CLIC5: variants seen among roughly 807,000 people sequenced by gnomAD.
CLIC5 encodes the protein chloride intracellular channel protein 5.
In CLIC5, 20 loss-of-function variants were observed where a neutral mutation model predicts 24.7. The ratio of observed to expected loss-of-function variants is 0.81; its 90% CI spans 0.57 to 1.18. CLIC5 has a LOEUF of 1.18. Ranked by LOEUF, CLIC5 falls within the 50% of genes most tolerant of loss-of-function variation. The probability of loss-of-function intolerance (pLI) is 0.00; values close to 1 mark genes in which losing one functional copy is unlikely to be tolerated. For missense variants in CLIC5, 341 were observed against 326.1 expected (o/e 1.05, Z -0.35); for synonymous variants, 159 against 135.6 (o/e 1.17, Z -1.20).
chr6:46,085,358 TAG>T, the CLIC5 span, among the ~76,000 whole-genome samples: 1 of 152,244 alleles, frequency 6.6e-6, no homozygotes, highest in Non-Finnish European at 1.5e-5. Context: ...CTCTGCTTTT[TAG>T]AGTTTCCAGT....
intron 4 of CLIC5, among the ~76,000 whole-genome samples, chr6:45,920,971 T>C (rs527317123): frequency 1.1e-4 from 17 of 152,360 alleles, no homozygotes; most frequent in African/African-American, 3.8e-4. Flanking sequence ...AAGATCTGCA[T>C]TCATCTTTCA....
chr6:46,074,787 C>T (rs1226993938), intron 1 of CLIC5, among the ~76,000 whole-genome samples: 2 of 152,128 alleles, frequency 1.3e-5, no homozygotes, highest in Admixed American at 6.5e-5. Context: ...ACACACTGAC[C>T]AGGAGTTGGA....
intron 4 of CLIC5, among the ~76,000 whole-genome samples, chr6:45,930,812 C>G (rs1763707905): frequency 6.6e-6 from 1 of 152,180 alleles, no homozygotes. Flanking sequence ...ATTAATTCAT[C>G]TAATTAACAT....
chr6:45,939,016 G>A (rs567818921), intron 4 of CLIC5, among the ~76,000 whole-genome samples: 3 of 152,202 alleles, frequency 2.0e-5, no homozygotes, highest in Admixed American at 6.5e-5. Flanking sequence ...TTACAACAAA[G>A]TACCACAAGC....
chr6:46,029,984 G>A (rs1297750442), intron 1 of CLIC5, among the ~76,000 whole-genome samples: 2 of 152,224 alleles, frequency 1.3e-5, no homozygotes, highest in Admixed American at 1.3e-4. Flanking sequence ...AGTTATGCCT[G>A]GCTATAAGTG....
intron 5 of CLIC5, among the ~76,000 whole-genome samples, chr6:45,905,131 G>C (rs552477963): frequency 6.6e-6 from 1 of 152,260 alleles, no homozygotes; most frequent in African/African-American, 2.4e-5. Context: ...CACTGTTGAT[G>C]GGCACCCAGG....
chr6:45,980,056 C>T (rs979533405), intron 1 of CLIC5, among the ~76,000 whole-genome samples: 4 of 141,216 alleles, frequency 2.8e-5, no homozygotes, highest in Non-Finnish European at 4.5e-5. Context: ...GTCTTTAATC[C>T]ATCTTGAGTT....
the CLIC5 span, among the ~76,000 whole-genome samples, chr6:46,128,176 C>G: frequency 1.3e-5 from 2 of 152,182 alleles, no homozygotes; most frequent in African/African-American, 4.8e-5. Context: ...TTTTGTCCCT[C>G]TGTTCCTGAC....
chr6:46,008,041 T>C (rs912098982), intron 1 of CLIC5, among the ~76,000 whole-genome samples: 2 of 152,062 alleles, frequency 1.3e-5, no homozygotes, highest in Non-Finnish European at 2.9e-5. Flanking sequence ...TTTGAGTTCA[T>C]TGATTTTCCC....
chr6:46,079,191 T>A (rs1160504573), intron 1 of CLIC5, among the ~76,000 whole-genome samples: 1 of 152,230 alleles, frequency 6.6e-6, no homozygotes, highest in Non-Finnish European at 1.5e-5. Context: ...TTACTACTAC[T>A]GAAATCATTT....
At chr6:45,942,810 C>T (rs1764177505) in intron 3 of CLIC5, among the ~76,000 whole-genome samples, 1 of 152,190 alleles carries the variant, frequency 6.6e-6, no homozygotes, top group Non-Finnish European at 1.5e-5. Flanking sequence ...AGAGATACTG[C>T]CATTGGAAGA....
At chr6:45,949,458 A>T in intron 2 of CLIC5, 77 bp from the exon 3 acceptor site, 1 of 1,486,684 alleles carries the variant, frequency 6.7e-7, no homozygotes, top group South Asian at 1.2e-5. Context: ...ATTGATTGTA[A>T]CTTAGATGCC....
intron 1 of CLIC5, among the ~76,000 whole-genome samples, chr6:46,060,701 C>A (rs536413160): frequency 5.3e-5 from 8 of 151,996 alleles, no homozygotes; most frequent in African/African-American, 1.9e-4. Flanking sequence ...CTTCCCTGAT[C>A]CTACCTGCCA....
chr6:46,076,636 A>G (rs557859153), intron 1 of CLIC5, among the ~76,000 whole-genome samples: 1 of 152,326 alleles, frequency 6.6e-6, no homozygotes, highest in East Asian at 1.9e-4. Flanking sequence ...GTTTAGCCCC[A>G]TAAGACTCAT....
intron 1 of CLIC5, among the ~76,000 whole-genome samples, chr6:46,026,502 T>C (rs1274599885): frequency 1.3e-5 from 2 of 152,330 alleles, no homozygotes; most frequent in East Asian, 3.9e-4. Flanking sequence ...TTTACTCAAC[T>C]GTGCAATCTT....
intron 1 of CLIC5, among the ~76,000 whole-genome samples, chr6:46,007,477 T>C (rs1766628367): frequency 6.6e-6 from 1 of 152,206 alleles, no homozygotes; most frequent in African/African-American, 2.4e-5. Flanking sequence ...TATTCACTTC[T>C]GTATTCCACA....
chr6:45,904,800 C>T (rs114863660), intron 5 of CLIC5, among the ~76,000 whole-genome samples: 3,225 of 149,754 alleles, frequency 0.022, 113 homozygotes, highest in African/African-American at 0.073. Context: ...CTGGGTATAA[C>T]GCATGATGCT....
chr6:46,061,429 G>A (rs1001892680), intron 1 of CLIC5, among the ~76,000 whole-genome samples: 3 of 152,202 alleles, frequency 2.0e-5, no homozygotes, highest in African/African-American at 7.2e-5. Flanking sequence ...CTGACCTTGT[G>A]AGCTGCCCGC....
intron 1 of CLIC5, among the ~76,000 whole-genome samples, chr6:46,059,910 T>A (rs1762198772): frequency 6.6e-6 from 1 of 152,220 alleles, no homozygotes; most frequent in South Asian, 2.1e-4. Context: ...CTAGAGATTT[T>A]CCTCAATGTT....
Sources: allele counts gnomAD v4.1 joint callset (sites outside exome capture counted in the v4.1 genomes callset), GRCh38; gene constraint gnomAD v4.1.1; transcripts MANE v1.5; gene names NCBI Gene and HGNC (gene_info 2026-07-23, HGNC 2026-07-21).